Variants in ADGRL2 observed in about 807,000 individuals in gnomAD.
ADGRL2 encodes adhesion G protein-coupled receptor L2.
Under a neutral mutation model 157.4 loss-of-function variants are expected in ADGRL2, and 44 were observed. The ratio of observed to expected loss-of-function variants is 0.28; its 90% CI spans 0.22 to 0.36. The LOEUF is 0.36. ADGRL2 is among the 10% of genes least tolerant of loss of function. The pLI, the probability that ADGRL2 is intolerant of heterozygous loss-of-function variation, is 1.00. For synonymous variants in ADGRL2, 585 were observed against 624.7 expected, an observed-to-expected ratio of 0.94 and a Z score of 0.95; for missense variants, 1,510 against 1,768.9, an observed-to-expected ratio of 0.85 and a Z score of 2.63.
At chr1:81,384,894 T>G (rs192377298) in intron 1 of ADGRL2, among the ~76,000 whole-genome samples, 20 of 152,302 alleles carry the variant, frequency 1.3e-4, no homozygotes, top group Admixed American at 5.9e-4. Context: ...AAAATAATTT[T>G]CAGACAAATT....
Position 81,907,194 on chromosome 1 carries a change from G to A in ADGRL2, c.251G>A (p.Cys84Tyr). The A allele has an allele frequency of 6.2e-7, 1 of 1,614,028 alleles. No individual in the cohort carries two copies. Among genetic ancestry groups the A allele is most frequent in the Non-Finnish European group, 8.5e-7 (1 of 1,179,956 alleles). Residue 84 changes from cysteine (C) to tyrosine (Y), a missense_variant, in exon 3 of 24, where the codon TGC becomes TAC. Cys to Tyr is a radical substitution (Grantham distance 194). Transcript: ENST00000686636. ...ADPFQMENTDCYLPDAFKIMT... is the reference protein window; with the variant it reads ...ADPFQMENTDYYLPDAFKIMT... ...CCATTTCAGATGGAGAATACAGACTGCTACCTCCCCGATGCCTTCAAAATT... is the reference window on the plus strand; with the variant it reads ...CCATTTCAGATGGAGAATACAGACTACTACCTCCCCGATGCCTTCAAAATT...
intron 1 of ADGRL2, among the ~76,000 whole-genome samples, chr1:81,430,487 G>C (rs2101614209): frequency 6.6e-6 from 1 of 152,232 alleles, no homozygotes; most frequent in Middle Eastern, 3.4e-3. Flanking sequence ...GGTGAAAAGG[G>C]GCTTGGTGTG....
At chr1:81,394,721 A>T (rs922730839) in intron 1 of ADGRL2, among the ~76,000 whole-genome samples, 4 of 152,108 alleles carry the variant, frequency 2.6e-5, no homozygotes, top group Non-Finnish European at 5.9e-5. Flanking sequence ...GTTTGGATAT[A>T]TACTCAGTAG....
At chr1:81,938,928 T>G (rs2095348723) in intron 4 of ADGRL2, among the ~76,000 whole-genome samples, 1 of 151,554 alleles carries the variant, frequency 6.6e-6, no homozygotes, top group African/African-American at 2.4e-5. Flanking sequence ...TCTCCTTGAT[T>G]TAGTAGTGTT....
rs551776647 is a variant in ADGRL2 at position 81,335,036 on chromosome 1, C to T, written c.-302+28527C>T. 6.6e-5 allele frequency among the ~76,000 whole-genome samples: 10 copies of T among 152,246 alleles called. No individual in the cohort carries two copies. The South Asian group carries it at 1.9e-3, about 28-fold the overall frequency. The stretch of plus-strand genomic sequence containing the variant: ...ATGAGCCTTCCTTACCTGAAACTAA[C>T]CATCACAAATTCCTCCTTTTAATAA... On this transcript the variant is annotated intron_variant, in intron 1 of 24. Transcript: ENST00000370721.
intron 2 of ADGRL2, among the ~76,000 whole-genome samples, chr1:81,853,259 T>G (rs2093080490): frequency 6.6e-6 from 1 of 152,150 alleles, no homozygotes. Flanking sequence ...AGGAATAGTT[T>G]TATTTGCTAA....
At chr1:81,372,764 C>T (rs1190476979) in intron 1 of ADGRL2, among the ~76,000 whole-genome samples, 2 of 152,140 alleles carry the variant, frequency 1.3e-5, no homozygotes, top group Non-Finnish European at 2.9e-5. Flanking sequence ...GCTCTTGAAA[C>T]CAAACTATAC....
At chr1:81,548,527 A>G (rs757365768) in intron 2 of ADGRL2, among the ~76,000 whole-genome samples, 3 of 152,018 alleles carry the variant, frequency 2.0e-5, no homozygotes, top group Non-Finnish European at 4.4e-5. Context: ...GCAAGAGGAA[A>G]TCCAAAAGCT....
At chr1:81,822,665 A>G (rs2091103870) in intron 1 of ADGRL2, among the ~76,000 whole-genome samples, 1 of 152,070 alleles carries the variant, frequency 6.6e-6, no homozygotes, top group African/African-American at 2.4e-5. Flanking sequence ...GGCCTGCGCC[A>G]CCACACTTTG....
At chr1:81,573,945 G>C (rs116830033) in intron 2 of ADGRL2, among the ~76,000 whole-genome samples, 1 of 152,074 alleles carries the variant, frequency 6.6e-6, no homozygotes, top group African/African-American at 2.4e-5. Context: ...TAATTGAATT[G>C]GTAAAAATAG....
chr1:81,864,979 G>C (rs700032), intron 2 of ADGRL2, among the ~76,000 whole-genome samples: 150,693 of 152,232 alleles, frequency 0.99, 74,607 homozygotes, highest in Middle Eastern at 1. Flanking sequence ...GAACAAGGCT[G>C]TATCTCAAAA....
chr1:81,851,405 A>C (rs965466913), intron 2 of ADGRL2, among the ~76,000 whole-genome samples: 1 of 151,874 alleles, frequency 6.6e-6, no homozygotes, highest in Non-Finnish European at 1.5e-5. Flanking sequence ...ATCAGTTAAA[A>C]ATGATGAGTA....
At chr1:81,791,065 T>TAAA (rs2087316155) in intron 2 of ADGRL2, among the ~76,000 whole-genome samples, 1 of 11,934 alleles carries the variant, frequency 8.4e-5, no homozygotes, top group Non-Finnish European at 1.8e-4. Context: ...AGACCCTATC[T>TAAA]CAAAAAAAAA....
intron 3 of ADGRL2, among the ~76,000 whole-genome samples, chr1:81,693,116 G>A (rs1320901549): frequency 1.3e-5 from 2 of 152,080 alleles, no homozygotes; most frequent in Non-Finnish European, 2.9e-5. Context: ...CTGATGTATG[G>A]CTAACACATC....
intron 4 of ADGRL2, among the ~76,000 whole-genome samples, chr1:81,940,165 A>G (rs932416662): frequency 2.0e-5 from 3 of 151,402 alleles, no homozygotes; most frequent in African/African-American, 7.3e-5. Flanking sequence ...ACTTGTTTTA[A>G]GTTCTTTTTT....
intron 2 of ADGRL2, among the ~76,000 whole-genome samples, chr1:81,464,944 AAAAG>A (rs1454483676): frequency 1.3e-5 from 2 of 151,584 alleles, no homozygotes; most frequent in Non-Finnish European, 2.9e-5. Context: ...AAAAAAAAAA[AAAAG>A]AAGAAGAAAA....
At chr1:81,390,444 T>A (rs1053402241) in intron 1 of ADGRL2, among the ~76,000 whole-genome samples, 1 of 152,296 alleles carries the variant, frequency 6.6e-6, no homozygotes, top group African/African-American at 2.4e-5. Flanking sequence ...GGTGAAGATA[T>A]GGATAGAGAA....
At chr1:81,799,489 A>G (rs1158853084), upstream of ADGRL2, among the ~76,000 whole-genome samples, 1 of 152,240 alleles carries the variant, frequency 6.6e-6, no homozygotes, top group Non-Finnish European at 1.5e-5. Flanking sequence ...CATTTAACCT[A>G]TGATTTCCTA....
intron 2 of ADGRL2, chr1:81,580,826 A>G (rs1450188958): frequency 1.3e-5 from 2 of 152,128 alleles, no homozygotes; most frequent in Non-Finnish European, 2.9e-5. Context: ...AATTAAACTA[A>G]AGGGAGCCAA....
Sources: gnomAD v4.1 joint callset for allele counts (sites outside exome capture counted in the v4.1 genomes callset) on GRCh38, gnomAD v4.1.1 for gene constraint, MANE v1.5 for transcripts, NCBI Gene and HGNC (gene_info 2026-07-23, HGNC 2026-07-21) for gene names.